The following NOS1AP variants were observed in gnomAD, a reference collection of about 807,000 sequenced individuals.
The protein encoded by NOS1AP is nitric oxide synthase 1 adaptor protein.
NOS1AP carries 21 observed loss-of-function variants against 56.2 expected under a neutral mutation model. That is an observed-to-expected ratio of 0.37 (90% CI 0.26 to 0.54). NOS1AP has a LOEUF of 0.54. Among genes scored for constraint, NOS1AP ranks in the 20% least tolerant of loss-of-function variants. The pLI, the probability that NOS1AP is intolerant of heterozygous loss-of-function variation, is 0.84. For synonymous variants in NOS1AP, 270 were observed against 274.6 expected (o/e 0.98, Z 0.17); for missense variants, 522 against 657.8 (o/e 0.79, Z 2.26).
At chr1:162,357,865 A>C (rs1657753011) in intron 8 of NOS1AP, among the ~76,000 whole-genome samples, 1 of 150,448 alleles carries the variant, frequency 6.6e-6, no homozygotes, top group Non-Finnish European at 1.5e-5. Context: ...CTTTCTATAG[A>C]GGGCGCTGTA....
chr1:162,272,005 G>A (rs780829663), intron 2 of NOS1AP, among the ~76,000 whole-genome samples: 9 of 152,090 alleles, frequency 5.9e-5, no homozygotes, highest in Non-Finnish European at 8.8e-5. Context: ...TCAGCCTCCT[G>A]AGTAGGGACT....
chr1:162,294,722 C>T (rs1017680525), intron 3 of NOS1AP, among the ~76,000 whole-genome samples: 2 of 152,160 alleles, frequency 1.3e-5, no homozygotes, highest in Non-Finnish European at 2.9e-5. Context: ...TCCTAAAAGG[C>T]TCAGCAGTGC....
chr1:162,077,874 G>C lies in NOS1AP; in HGVS notation c.105+7592G>C, dbSNP rs564888672. Among the ~76,000 whole-genome samples, 3 of 152,232 alleles carry C rather than the reference G, an allele frequency of 2.0e-5. No individual in the cohort carries two copies. The East Asian group carries it at 5.8e-4, about 29-fold the overall frequency. On this transcript the variant is annotated intron_variant, in intron 1 of 9. Coordinates refer to ENST00000361897, the MANE Select transcript of NOS1AP (RefSeq NM_014697.3). Reference sequence around the variant, plus strand: ...GTGAGAGAGTACTCCACCCTCTGCAGTATCTCAGTCTTCATTCAGTCCCTG... The same window carrying C: ...GTGAGAGAGTACTCCACCCTCTGCACTATCTCAGTCTTCATTCAGTCCCTG...
intron 1 of NOS1AP, among the ~76,000 whole-genome samples, chr1:162,088,901 A>G (rs1692063428): frequency 1.3e-5 from 2 of 152,122 alleles, no homozygotes; most frequent in Admixed American, 1.3e-4. Context: ...GAATTTATGA[A>G]TACATACAAT....
chr1:162,226,848 C>G (rs2101663931), intron 2 of NOS1AP, among the ~76,000 whole-genome samples: 1 of 152,144 alleles, frequency 6.6e-6, no homozygotes, highest in Non-Finnish European at 1.5e-5. Flanking sequence ...AAATTCTTCC[C>G]TCTTTAATAG....
At position 162,141,967 on chromosome 1, in the gene NOS1AP, A is replaced by T. The variant is rs145183633; in HGVS notation, c.106-12438A>T. On this transcript the variant is annotated intron_variant, in intron 1 of 9. Transcript: ENST00000361897. ...AACATCTTAAAATTTCTTGCTTAAA[A>T]ACAGGAAAAGCTATCATTTGTCCAT... Among the ~76,000 whole-genome samples, 881 of 152,292 alleles carry T rather than the reference A, an allele frequency of 5.8e-3. 8 individuals carry two copies. The highest frequency in any genetic ancestry group is 0.024 in the Middle Eastern group (7 of 294).
intron 1 of NOS1AP, among the ~76,000 whole-genome samples, chr1:162,080,087 T>G (rs11579080): frequency 0.54 from 82,717 of 152,120 alleles, 24,674 homozygotes; most frequent in Non-Finnish European, 0.68. Flanking sequence ...AATATTTCTT[T>G]AAGCAGAGGT....
chr1:162,295,690 G>A (rs1379350535), intron 3 of NOS1AP, among the ~76,000 whole-genome samples: 3 of 152,212 alleles, frequency 2.0e-5, no homozygotes, highest in Non-Finnish European at 4.4e-5. Context: ...CTTGAATTAA[G>A]ACATTGGTGA....
chr1:162,265,563 A>AT (rs60200369), intron 2 of NOS1AP, among the ~76,000 whole-genome samples: 144,334 of 151,956 alleles, frequency 0.95, 68,597 homozygotes, highest in East Asian at 0.99. Context: ...TGAACTCATC[A>AT]TTTTTTTATG....
At chr1:162,160,760 A>G (rs886701431) in intron 2 of NOS1AP, among the ~76,000 whole-genome samples, 3 of 152,210 alleles carry the variant, frequency 2.0e-5, no homozygotes, top group Non-Finnish European at 4.4e-5. Flanking sequence ...AAGTTGTAAC[A>G]CAAACCTCTG....
chr1:162,124,160 A>G (rs1015131898), intron 1 of NOS1AP, among the ~76,000 whole-genome samples: 2 of 152,008 alleles, frequency 1.3e-5, no homozygotes, highest in African/African-American at 4.8e-5. Flanking sequence ...TAGGGGTACA[A>G]GTGGTTTGTG....
At chr1:162,289,209 TTTCCTTCCTTCCTTCC>T (rs752673036) in intron 3 of NOS1AP, among the ~76,000 whole-genome samples, 1,108 of 99,476 alleles carry the variant, frequency 0.011, 14 homozygotes, top group Non-Finnish European at 0.015. Context: ...CCTTCCTTCC[TTTCCTTCCTTCCTTCC>T]TTCCTTCCTT....
At chr1:162,215,657 C>T (rs1652544971) in intron 2 of NOS1AP, among the ~76,000 whole-genome samples, 1 of 152,178 alleles carries the variant, frequency 6.6e-6, no homozygotes, top group Admixed American at 6.5e-5. Flanking sequence ...TCCCAGCAGG[C>T]CCTTTAGTGT....
chr1:162,138,669 C>G (rs1162299933), intron 1 of NOS1AP, among the ~76,000 whole-genome samples: 2 of 152,166 alleles, frequency 1.3e-5, no homozygotes, highest in African/African-American at 4.8e-5. Flanking sequence ...GCACCCGTTT[C>G]TTCCTTACTT....
intron 1 of NOS1AP, among the ~76,000 whole-genome samples, chr1:162,133,435 T>C (rs1315935773): frequency 6.6e-6 from 1 of 152,258 alleles, no homozygotes; most frequent in Non-Finnish European, 1.5e-5. Flanking sequence ...TATAGTTTTA[T>C]CTAAAAGTCT....
Position 162,121,230 on chromosome 1 carries a change from G to T in NOS1AP, c.106-33175G>T, listed in dbSNP as rs547105608. ...CTGTCGCCCAGGATCAAGTGTAGTG[G>T]CACGATCTTGGTTCAGCCTCCCAAG... On this transcript the variant is annotated intron_variant, in intron 1 of 9. Coordinates refer to ENST00000361897, the MANE Select transcript of NOS1AP (RefSeq NM_014697.3). Among the ~76,000 whole-genome samples, 4 of 151,338 alleles carry T rather than the reference G, an allele frequency of 2.6e-5. No individual in the cohort carries two copies. In the East Asian group the frequency reaches 7.8e-4, roughly 29 times the overall value.
intron 2 of NOS1AP, among the ~76,000 whole-genome samples, chr1:162,283,689 A>G (rs765003745): frequency 6.6e-5 from 10 of 152,150 alleles, no homozygotes; most frequent in Non-Finnish European, 4.4e-5. Context: ...CAAGGTCCCA[A>G]GGCTCTATTT....
At chr1:162,359,479 T>C (rs1367701049) in intron 8 of NOS1AP, among the ~76,000 whole-genome samples, 1 of 152,232 alleles carries the variant, frequency 6.6e-6, no homozygotes, top group African/African-American at 2.4e-5. Flanking sequence ...CAGCTGGCTT[T>C]CAGCTCTCCT....
chr1:162,085,948 G>C (rs781343757), intron 1 of NOS1AP, among the ~76,000 whole-genome samples: 1 of 152,076 alleles, frequency 6.6e-6, no homozygotes, highest in Non-Finnish European at 1.5e-5. Context: ...GCTACTGAGG[G>C]TCTGTCAAAT....
Sources: gnomAD v4.1 joint callset for allele counts (sites outside exome capture counted in the v4.1 genomes callset) on GRCh38, gnomAD v4.1.1 for gene constraint, MANE v1.5 for transcripts, NCBI Gene and HGNC (gene_info 2026-07-23, HGNC 2026-07-21) for gene names.